ING5: variants seen among roughly 807,000 people sequenced by gnomAD.
ING5 encodes the protein inhibitor of growth family member 5.
Under a neutral mutation model 37.4 loss-of-function variants are expected in ING5, and 17 were observed. That is an observed-to-expected ratio of 0.45 (90% CI 0.31 to 0.68). ING5 has a LOEUF of 0.68. ING5 is among the 30% of genes least tolerant of loss of function. ING5 has a pLI of 0.05. For synonymous variants in ING5, 123 were observed against 116.6 expected (o/e 1.06, Z -0.36); for missense variants, 233 against 311.9 (o/e 0.75, Z 1.91).
At chr2:241,687,335 C>T (rs1024482120) in exon 1 of ING5, 26 of 398,550 alleles carry the variant, frequency 6.5e-5, no homozygotes, top group Middle Eastern at 1.2e-3. Context: ...AGCCGGGGCT[C>T]CTCCCAAAGC....
intron 5 of ING5, chr2:241,719,671 C>T (rs1243779073): frequency 1.3e-6 from 2 of 1,532,656 alleles, no homozygotes; most frequent in African/African-American, 1.4e-5. Context: ...AAGGAGACTC[C>T]AGCTCCCTGT....
intron 1 of ING5, among the ~76,000 whole-genome samples, chr2:241,702,556 CTGTGCGCCCG>C (rs201242761): frequency 0.028 from 4,192 of 152,164 alleles, 73 homozygotes; most frequent in Middle Eastern, 0.093. Context: ...CTCCGCCTGG[CTGTGCGCCCG>C]TGTGCGCCGG....
rs556460174 is a variant in ING5 at position 241,723,017 on chromosome 2, G to A, written c.561G>A (p.Thr187=). 1.4e-4 allele frequency: 231 copies of A among 1,614,224 alleles called. 1 individual carries two copies. The highest frequency in any genetic ancestry group is 1.6e-4 in the South Asian group (15 of 91,088). Residue 187 remains threonine (T), a synonymous_variant, in exon 6 of 8, where the codon ACG becomes ACA. Transcript: ENST00000313552. The part of the protein sequence containing the change: ...LDMPVDPNEP[T]YCLCHQVSYG... ...TGCCCGTGGACCCAAACGAACCCACGTACTGCCTGTGCCACCAGGTCTCCT... is the reference window on the plus strand; with the variant it reads ...TGCCCGTGGACCCAAACGAACCCACATACTGCCTGTGCCACCAGGTCTCCT...
upstream of ING5, among the ~76,000 whole-genome samples, chr2:241,699,750 G>T (rs1017878062): frequency 6.6e-6 from 1 of 152,090 alleles, no homozygotes; most frequent in African/African-American, 2.4e-5. Flanking sequence ...GGGGCTCGGG[G>T]AGCCTTTGGG....
chr2:241,701,684 G>A (rs2069729436), upstream of ING5, among the ~76,000 whole-genome samples: 1 of 152,186 alleles, frequency 6.6e-6, no homozygotes, highest in South Asian at 2.1e-4. Context: ...CGTGGGCGCC[G>A]TCAGGACGGG....
chr2:241,689,135 G>A (rs1158743723), intron 1 of ING5, among the ~76,000 whole-genome samples: 1 of 148,292 alleles, frequency 6.7e-6, no homozygotes, highest in Non-Finnish European at 1.5e-5. Flanking sequence ...TTTTTGAGAC[G>A]GAGTTTCTGT....
In ING5 at chr2:241,729,394, A is replaced by T. The variant is rs929390008; in HGVS notation, c.*4363A>T. The T allele has an allele frequency of 3.9e-5, 6 of 152,678 alleles. No homozygotes were observed. Among genetic ancestry groups the T allele is most frequent in the African/African-American group, 1.4e-4 (6 of 41,458 alleles). The allele number at this position is 152,678 out of a possible 1,614,324, so 9.5% of individuals were successfully genotyped here. On this transcript the variant is annotated 3_prime_UTR_variant, in exon 8 of 8. Transcript: ENST00000313552. The stretch of plus-strand genomic sequence containing the variant: ...ATGTTGTAAATCTTTTTATTAGATA[A>T]TGTAAAGATGTATATCAGTATTTTT...
chr2:241,708,236 C>T (rs2069986521), intron 2 of ING5, among the ~76,000 whole-genome samples: 1 of 143,228 alleles, frequency 7.0e-6, no homozygotes, highest in South Asian at 2.2e-4. Context: ...GAGATGGAGT[C>T]TCACTCTTTC....
At chr2:241,697,303 C>T (rs1035002087), upstream of ING5, among the ~76,000 whole-genome samples, 5 of 151,002 alleles carry the variant, frequency 3.3e-5, no homozygotes, top group South Asian at 2.1e-4. Flanking sequence ...GGCGTGGTGT[C>T]GGGCGCCTGT....
At chr2:241,689,401 C>T (rs1351760101) in intron 1 of ING5, among the ~76,000 whole-genome samples, 1 of 152,212 alleles carries the variant, frequency 6.6e-6, no homozygotes, top group African/African-American at 2.4e-5. Context: ...TGAACCACTG[C>T]ACCTGGCCTA....
At chr2:241,718,388 C>G (rs1169357755) in intron 5 of ING5, among the ~76,000 whole-genome samples, 1 of 126,380 alleles carries the variant, frequency 7.9e-6, no homozygotes, top group African/African-American at 2.9e-5. Flanking sequence ...TCCCTCCCTT[C>G]CTTCCTTCCT....
chr2:241,724,312 C>T (rs1032276383), intron 7 of ING5, among the ~76,000 whole-genome samples: 3 of 152,134 alleles, frequency 2.0e-5, no homozygotes, highest in Non-Finnish European at 4.4e-5. Flanking sequence ...CACTGTGGTG[C>T]CCCACGCCGT....
intron 5 of ING5, chr2:241,719,576 T>C (rs2070374338): frequency 6.5e-7 from 1 of 1,536,002 alleles, no homozygotes; most frequent in African/African-American, 1.4e-5. Flanking sequence ...GTGGGACTCC[T>C]CCTGGTCTCT....
At chr2:241,719,654 G>A (rs915907044) in intron 5 of ING5, 2 of 1,534,954 alleles carry the variant, frequency 1.3e-6, no homozygotes, top group Admixed American at 2.0e-5. Context: ...GGGTCCTCGT[G>A]GGGGTGAAGG....
chr2:241,718,132 C>G (rs1370645017), intron 5 of ING5, among the ~76,000 whole-genome samples: 1 of 152,140 alleles, frequency 6.6e-6, no homozygotes, highest in Non-Finnish European at 1.5e-5. Flanking sequence ...CCCGCCTCAG[C>G]CTTCCAAGTA....
At position 241,704,549 on chromosome 2, in the gene ING5, C is replaced by T. The variant is rs541113505; in HGVS notation, c.38-104C>T. On this transcript the variant is annotated intron_variant, in intron 1 of 7. Coordinates refer to ENST00000313552, the MANE Select transcript of ING5 (RefSeq NM_032329.6). Reference sequence around the variant, plus strand: ...CACCACTGCACTCCAGCCTGGGCAACAAGAGTGAAACTCCATCTCAAAAAA... The same window carrying T: ...CACCACTGCACTCCAGCCTGGGCAATAAGAGTGAAACTCCATCTCAAAAAA... The T allele has an allele frequency of 2.4e-5, 22 of 928,020 alleles. No homozygotes were observed. In the East Asian group the frequency reaches 4.0e-4, roughly 17 times the overall value. The allele number at this position is 928,020 out of a possible 1,614,324, so 57.5% of individuals were successfully genotyped here.
intron 3 of ING5, among the ~76,000 whole-genome samples, chr2:241,710,216 C>T (rs568743882): frequency 1.3e-5 from 2 of 152,250 alleles, no homozygotes; most frequent in East Asian, 3.9e-4. Context: ...AAGCAATTCT[C>T]CTGCCTCAGC....
At chr2:241,699,318 C>T (rs564628490), upstream of ING5, among the ~76,000 whole-genome samples, 39 of 152,296 alleles carry the variant, frequency 2.6e-4, no homozygotes, top group African/African-American at 9.1e-4. Flanking sequence ...AGCCACCATG[C>T]CTGGCCTGAA....
chr2:241,701,368 G>A (rs1424474036), upstream of ING5, among the ~76,000 whole-genome samples: 1 of 152,220 alleles, frequency 6.6e-6, no homozygotes, highest in Non-Finnish European at 1.5e-5. Flanking sequence ...TCCAGATGGT[G>A]CGGGTCCTGC....
Sources: gnomAD v4.1 joint callset for allele counts (sites outside exome capture counted in the v4.1 genomes callset) on GRCh38, gnomAD v4.1.1 for gene constraint, MANE v1.5 for transcripts, NCBI Gene and HGNC (gene_info 2026-07-23, HGNC 2026-07-21) for gene names.